Variants in IFI16 observed in about 807,000 individuals in gnomAD.
IFI16 encodes the protein gamma-interferon-inducible protein 16.
IFI16 carries 49 observed loss-of-function variants against 68.4 expected under a neutral mutation model. The ratio of observed to expected loss-of-function variants is 0.72; its 90% CI spans 0.57 to 0.91. The LOEUF (loss-of-function observed/expected upper bound fraction) is 0.91. Ranked by LOEUF, IFI16 falls within the 40% of genes least tolerant of loss-of-function variation. The pLI, the probability that IFI16 is intolerant of heterozygous loss-of-function variation, is 0.00. For missense variants in IFI16, 878 were observed against 942.9 expected (o/e 0.93, Z 0.90); for synonymous variants, 307 against 315.0 (o/e 0.97, Z 0.27).
upstream of IFI16, among the ~76,000 whole-genome samples, chr1:159,003,422 A>G (rs576084752): frequency 8.7e-4 from 132 of 152,338 alleles, no homozygotes; most frequent in East Asian, 0.01. Context: ...CGTAAAGCTA[A>G]GAAGAAATAA....
In IFI16 at chr1:159,053,678, G is replaced by T. The variant is rs1448953090; in HGVS notation, c.2231G>T (p.Ser744Ile). ...KLTCFELAPK[S>I]GNTGELRSVI... Reference sequence around the variant, plus strand: ...ACCTGCTTTGAATTGGCACCGAAAAGTGGGAATACCGGGGAGTTGAGATCT... The same window carrying T: ...ACCTGCTTTGAATTGGCACCGAAAATTGGGAATACCGGGGAGTTGAGATCT... Residue 744 changes from serine to isoleucine, a missense_variant, in exon 11 of 12, where the codon AGT (serine) becomes ATT (isoleucine). Ser to Ile is a moderately radical substitution (Grantham distance 142). This residue lies in a region of IFI16 where 311 missense variants were observed against 305.1 expected (regional missense o/e 1.02). Transcript: ENST00000295809. The T allele has an allele frequency of 6.2e-7, 1 of 1,614,000 alleles. No homozygotes were observed. Among genetic ancestry groups the T allele is most frequent in the South Asian group, 1.1e-5 (1 of 91,076 alleles).
rs567248649 is a variant in IFI16 at position 159,032,998 on chromosome 1, C to G, written c.1329+307C>G. ...ACAAGCAGAGACGAAAACAAGAATG[C>G]GTTCAGATCCTACATTCCCGTTTCT... is the stretch of plus-strand genomic sequence containing the variant. On this transcript the variant is annotated intron_variant, in intron 7 of 11. Coordinates refer to ENST00000295809, the MANE Select transcript of IFI16 (RefSeq NM_001376587.1). Among the ~76,000 whole-genome samples, 10 of 151,854 alleles carry G rather than the reference C, an allele frequency of 6.6e-5. No individual in the cohort carries two copies. The South Asian group carries it at 1.2e-3, about 19-fold the overall frequency.
Position 159,054,968 on chromosome 1 carries a change from T to G in IFI16, c.*67T>G. ...CTAAGTGCCTAAAAAAATGTACATA[T>G]ACCTGGTTGAAATACAACACTATAC... On this transcript the variant is annotated 3_prime_UTR_variant, in exon 12 of 12. Coordinates refer to ENST00000295809, the MANE Select transcript of IFI16 (RefSeq NM_001376587.1). The G allele has an allele frequency of 6.1e-6, 5 of 815,448 alleles. No homozygotes were observed. The highest frequency in any genetic ancestry group is 1.7e-5 in the African/African-American group (1 of 59,062). The allele number at this position is 815,448 out of a possible 1,614,324, so 50.5% of individuals were successfully genotyped here. A position where few individuals can be genotyped will look rare whatever the true frequency, so the allele number is the denominator to read the frequency against.
intron 7 of IFI16, among the ~76,000 whole-genome samples, chr1:159,037,143 G>A (rs180735246): frequency 6.6e-6 from 1 of 152,258 alleles, no homozygotes. Flanking sequence ...GTTTTCTGAC[G>A]CATAATGACT....
At chr1:159,029,793 G>T (rs1653892932) in intron 6 of IFI16, among the ~76,000 whole-genome samples, 1 of 151,110 alleles carries the variant, frequency 6.6e-6, no homozygotes, top group African/African-American at 2.4e-5. Flanking sequence ...CAATTCTCCT[G>T]GCTTAGCCTC....
At position 159,053,513 on chromosome 1, in the gene IFI16, G is replaced by A; in HGVS notation, c.2086-20G>A. The A allele has an allele frequency of 6.7e-7, 1 of 1,490,716 alleles. No individual in the cohort carries two copies. The highest frequency in any genetic ancestry group is 9.3e-7 in the Non-Finnish European group (1 of 1,072,452). 92.3% of individuals were successfully genotyped at this position (1,490,716 alleles called of 1,614,324 possible). ...TTATTGATCCAGTTTCAGAAGATAA[G>A]TGTTAATTTTCTTTTGCAGAAAAAT... On this transcript the variant is annotated intron_variant, in intron 10 of 11. Transcript: ENST00000295809.
At chr1:159,029,680 T>G (rs1000490051) in intron 6 of IFI16, among the ~76,000 whole-genome samples, 2 of 17,198 alleles carry the variant, frequency 1.2e-4, no homozygotes, top group Non-Finnish European at 8.6e-4. Flanking sequence ...CTTTGTTCAG[T>G]TTTTTTTTTT....
At chr1:159,050,709 A>C (rs1655301408) in intron 9 of IFI16, among the ~76,000 whole-genome samples, 1 of 151,896 alleles carries the variant, frequency 6.6e-6, no homozygotes, top group African/African-American at 2.4e-5. Flanking sequence ...CTCTCCTACA[A>C]CTCAGAAACA....
At chr1:159,050,742 G>A (rs1355176780) in intron 9 of IFI16, among the ~76,000 whole-genome samples, 3 of 151,626 alleles carry the variant, frequency 2.0e-5, no homozygotes, top group African/African-American at 7.3e-5. Context: ...GTGGAGACAG[G>A]AGGTTAAAGA....
intron 8 of IFI16, among the ~76,000 whole-genome samples, chr1:159,047,762 A>G (rs1241504354): frequency 6.8e-6 from 1 of 147,918 alleles, no homozygotes; most frequent in Admixed American, 6.8e-5. Context: ...GCTTCTCCCA[A>G]GTAGTTTTTC....
At chr1:159,047,200 C>T (rs1035584163) in intron 8 of IFI16, among the ~76,000 whole-genome samples, 5 of 151,330 alleles carry the variant, frequency 3.3e-5, no homozygotes, top group Non-Finnish European at 5.9e-5. Context: ...GTTGCGGACC[C>T]GAGCACCATC....
intron 6 of IFI16, among the ~76,000 whole-genome samples, chr1:159,024,367 A>G (rs540244573): frequency 5.3e-5 from 8 of 152,300 alleles, no homozygotes; most frequent in Admixed American, 3.9e-4. Flanking sequence ...TAAGCGACCA[A>G]GGGCAGGTCT....
chr1:159,017,441 G>A (rs1185971175), intron 4 of IFI16, among the ~76,000 whole-genome samples: 1 of 151,602 alleles, frequency 6.6e-6, no homozygotes, highest in Non-Finnish European at 1.5e-5. Context: ...TATAGTTTGT[G>A]GTGGGCACCA....
chr1:159,020,918 G>T (rs1409659144), intron 6 of IFI16, among the ~76,000 whole-genome samples: 1 of 151,736 alleles, frequency 6.6e-6, no homozygotes, highest in Admixed American at 6.6e-5. Flanking sequence ...TGTGTATTTA[G>T]TCCATAAAAA....
chr1:159,027,572 C>T (rs1445756072), intron 6 of IFI16, among the ~76,000 whole-genome samples: 2 of 152,056 alleles, frequency 1.3e-5, no homozygotes, highest in Non-Finnish European at 2.9e-5. Flanking sequence ...TTCTCTCTTT[C>T]TCTATCTTGT....
At chr1:159,034,432 A>G (rs888318666) in intron 7 of IFI16, among the ~76,000 whole-genome samples, 6 of 152,170 alleles carry the variant, frequency 3.9e-5, no homozygotes, top group African/African-American at 1.4e-4. Context: ...ATTGTGGGGA[A>G]GTAGCCAGAT....
intron 6 of IFI16, among the ~76,000 whole-genome samples, chr1:159,031,343 C>T (rs1009634408): frequency 6.6e-6 from 1 of 152,214 alleles, no homozygotes; most frequent in Non-Finnish European, 1.5e-5. Flanking sequence ...AGATCACCCC[C>T]ACCCCTGGGT....
intron 4 of IFI16, among the ~76,000 whole-genome samples, 156 bp from the exon 5 acceptor site, chr1:159,018,073 T>C (rs1202264894): frequency 6.6e-6 from 1 of 152,230 alleles, no homozygotes; most frequent in African/African-American, 2.4e-5. Flanking sequence ...GTTTAAGATA[T>C]CTTCTGCCCT....
At chr1:159,042,867 C>T (rs1451689338) in intron 7 of IFI16, among the ~76,000 whole-genome samples, 1 of 152,170 alleles carries the variant, frequency 6.6e-6, no homozygotes. Context: ...CCCTGTGTTA[C>T]CTACAATCCA....
Sources: allele counts gnomAD v4.1 joint callset (sites outside exome capture counted in the v4.1 genomes callset), GRCh38; gene constraint gnomAD v4.1.1; regional missense constraint gnomAD v4.1.1; transcripts MANE v1.5; gene names NCBI Gene and HGNC (gene_info 2026-07-23, HGNC 2026-07-21).